Variants in SANBR observed in about 807,000 individuals in gnomAD.
SANBR encodes SANT and BTB domain regulator of CSR, also known as SANT and BTB domain regulator of class switch recombination.
A neutral mutation model predicts 101.8 loss-of-function variants in SANBR; 77 were observed. The ratio of observed to expected loss-of-function variants is 0.76; its 90% CI spans 0.63 to 0.91. The LOEUF (loss-of-function observed/expected upper bound fraction) is 0.91. SANBR is among the 40% of genes least tolerant of loss of function. The pLI is 0.00. For missense variants in SANBR, 875 were observed against 853.0 expected (o/e 1.03, Z -0.32); for synonymous variants, 279 against 274.7 (o/e 1.02, Z -0.15).
chr2:61,096,892 G>A (rs1360320324), intron 11 of SANBR, among the ~76,000 whole-genome samples: 4 of 152,078 alleles, frequency 2.6e-5, no homozygotes, highest in Non-Finnish European at 4.4e-5. Flanking sequence ...GGTGGCTCAC[G>A]CCTGTAATCC....
intron 20 of SANBR, among the ~76,000 whole-genome samples, chr2:61,130,448 C>T (rs1169122503): frequency 1.3e-5 from 2 of 152,052 alleles, no homozygotes; most frequent in Non-Finnish European, 2.9e-5. Flanking sequence ...CATCACTAGA[C>T]AAAGGTATCA....
rs144423500 is a variant in SANBR, at chr2:61,100,228, C to G, written c.1365+2376C>G. 2.8e-3 allele frequency among the ~76,000 whole-genome samples: 422 copies of G among 152,238 alleles called. 2 individuals carry two copies. The highest frequency in any genetic ancestry group is 8.5e-3 in the African/African-American group (355 of 41,538). ...CAAGCGATTCTCCTGCGTCAGCCTC[C>G]CAAGTAGCTGGGATTACAGGCATGT... On this transcript the variant is annotated intron_variant, in intron 12 of 21. Transcript: ENST00000402291.
At chr2:61,088,515 ATATAGTT>A in intron 10 of SANBR, 47 bp downstream of exon 10, 1 of 1,155,238 alleles carries the variant, frequency 8.7e-7, no homozygotes, top group Non-Finnish European at 1.2e-6. Context: ...ATATATATAT[ATATAGTT>A]GTTGTTGTTG....
chr2:61,127,571 T>C (rs190154796), downstream of SANBR, among the ~76,000 whole-genome samples: 16 of 152,332 alleles, frequency 1.1e-4, no homozygotes, highest in Middle Eastern at 3.4e-3. Context: ...GGGAAGATGC[T>C]ATGGAATTAT....
intron 20 of SANBR, among the ~76,000 whole-genome samples, chr2:61,133,781 G>A (rs748972947): frequency 3.3e-5 from 5 of 152,258 alleles, no homozygotes; most frequent in Non-Finnish European, 7.4e-5. Flanking sequence ...GAAGGAGAGA[G>A]AAGAATGATA....
intron 7 of SANBR, among the ~76,000 whole-genome samples, chr2:61,082,609 A>G (rs1251574983): frequency 6.6e-6 from 1 of 152,216 alleles, no homozygotes; most frequent in Non-Finnish European, 1.5e-5. Flanking sequence ...TCACGAGGTC[A>G]GGAGTTCAAG....
In SANBR at chr2:61,122,466, G is replaced by T; in HGVS notation, c.*304G>T. ...TTCCTTTATTTATTTGAAAAAGAAAGGCCTAAACTGTCAGGTAGCCAAGTT... is the reference window on the plus strand; with the variant it reads ...TTCCTTTATTTATTTGAAAAAGAAATGCCTAAACTGTCAGGTAGCCAAGTT... On this transcript the variant is annotated 3_prime_UTR_variant, in exon 22 of 22. Coordinates refer to ENST00000402291, the MANE Select transcript of SANBR (RefSeq NM_001129993.3). The T allele has an allele frequency of 2.8e-6, 3 of 1,081,238 alleles. No homozygotes were observed. Among genetic ancestry groups the T allele is most frequent in the Non-Finnish European group, 3.4e-6 (3 of 892,930 alleles). 67.0% of individuals were successfully genotyped at this position (1,081,238 alleles called of 1,614,324 possible).
chr2:61,119,085 A>C (rs757337452), intron 20 of SANBR, among the ~76,000 whole-genome samples: 1 of 151,948 alleles, frequency 6.6e-6, no homozygotes, highest in Non-Finnish European at 1.5e-5. Flanking sequence ...ATTTTCATCA[A>C]CTCTGCATGT....
In SANBR at chr2:61,121,997, A is replaced by C. The variant is rs562228635; in HGVS notation, c.2121-129A>C. 8.9e-5 allele frequency: 111 copies of C among 1,251,240 alleles called. No homozygotes were observed. In the South Asian group the frequency reaches 1.8e-3, roughly 20 times the overall value. The allele number at this position is 1,251,240 out of a possible 1,614,324, so 77.5% of individuals were successfully genotyped here. A position where few individuals can be genotyped will look rare whatever the true frequency, so the allele number is the denominator to read the frequency against. ...ACATCTCCTGTTAAGAGTTTTAGAA[A>C]ATGGATTACGGAGCTGCAAGAAGAT... On this transcript the variant is annotated intron_variant, in intron 21 of 21. Coordinates refer to ENST00000402291, the MANE Select transcript of SANBR (RefSeq NM_001129993.3).
chr2:61,092,505 T>G lies in SANBR; in HGVS notation c.1130T>G (p.Phe377Cys), dbSNP rs761126934. The G allele has an allele frequency of 1.2e-6, 2 of 1,604,912 alleles. No homozygotes were observed. Among genetic ancestry groups the G allele is most frequent in the Non-Finnish European group, 1.7e-6 (2 of 1,175,658 alleles). ...WDVHEYLNSL[F>C]EELKSWRDVY... ...GTTCATGAGTATTTGAATAGTCTTT[T>G]CGAAGAATTAAAATCTTGGAGAGAT... is the stretch of plus-strand genomic sequence containing the variant. Residue 377 changes from phenylalanine (F) to cysteine (C), a missense_variant, in exon 11 of 22, where the codon TTC (phenylalanine) becomes TGC (cysteine). Physicochemically the swap from Phe to Cys is radical, Grantham distance 205 (BLOSUM62 -2). Coordinates refer to ENST00000402291, the MANE Select transcript of SANBR (RefSeq NM_001129993.3).
At chr2:61,074,108 T>C (rs994941780) in intron 5 of SANBR, among the ~76,000 whole-genome samples, 1 of 152,230 alleles carries the variant, frequency 6.6e-6, no homozygotes, top group African/African-American at 2.4e-5. Flanking sequence ...AATATTTTTA[T>C]TATTTCTGAA....
In SANBR at chr2:61,088,155, A is replaced by G. The variant is rs1682542912; in HGVS notation, c.891-4A>G. On this transcript the variant is annotated splice_region_variant and splice_polypyrimidine_tract_variant and intron_variant, in intron 8 of 21. Transcript: ENST00000402291. ...TTAATATTTTGGTCATTTGTTGTTA[A>G]TAGCAAACTTTTTTGTAAGAAGATT... is the stretch of plus-strand genomic sequence containing the variant. 1 of 1,583,092 alleles carries G rather than the reference A, an allele frequency of 6.3e-7. No homozygotes were observed. The highest frequency in any genetic ancestry group is 8.6e-7 in the Non-Finnish European group (1 of 1,163,076).
At chr2:61,092,681 T>C (rs1682827455) in intron 11 of SANBR, 94 bp downstream of exon 11, 1 of 1,049,880 alleles carries the variant, frequency 9.5e-7, no homozygotes, top group Non-Finnish European at 1.3e-6. Context: ...TAAATGTGTT[T>C]TGACAATATC....
intron 3 of SANBR, 42 bp from the exon 4 acceptor site, chr2:61,071,564 A>AT: frequency 7.1e-7 from 1 of 1,404,624 alleles, no homozygotes. Flanking sequence ...AAAAAAAAAA[A>AT]AATTCCCAAA....
At chr2:61,104,760 G>A (rs956054893) in intron 13 of SANBR, among the ~76,000 whole-genome samples, 6 of 151,980 alleles carry the variant, frequency 3.9e-5, no homozygotes, top group African/African-American at 1.5e-4. Context: ...TTAGAGGCTG[G>A]AGGACTCTTT....
intron 2 of SANBR, chr2:61,069,544 T>A (rs567395535): frequency 6.6e-6 from 1 of 152,444 alleles, no homozygotes; most frequent in African/African-American, 2.4e-5. Flanking sequence ...CAGTTTATGT[T>A]TGGAGATTGT....
chr2:61,112,773 A>G (rs1490425720), intron 16 of SANBR, among the ~76,000 whole-genome samples: 1 of 152,220 alleles, frequency 6.6e-6, no homozygotes, highest in Non-Finnish European at 1.5e-5. Context: ...GATTACAGGC[A>G]TGAGCCACCT....
chr2:61,089,953 G>C (rs1235066316), intron 10 of SANBR, among the ~76,000 whole-genome samples: 1 of 152,086 alleles, frequency 6.6e-6, no homozygotes, highest in East Asian at 1.9e-4. Flanking sequence ...GATTACTTGA[G>C]ACCAGGAGTT....
chr2:61,120,702 C>G (rs1220885788), intron 20 of SANBR, among the ~76,000 whole-genome samples: 2 of 152,100 alleles, frequency 1.3e-5, no homozygotes, highest in African/African-American at 4.8e-5. Flanking sequence ...TCCAGCCTGG[C>G]TGACAGAGTG....
Sources: allele counts gnomAD v4.1 joint callset (sites outside exome capture counted in the v4.1 genomes callset), GRCh38; gene constraint gnomAD v4.1.1; transcripts MANE v1.5; gene names NCBI Gene and HGNC (gene_info 2026-07-23, HGNC 2026-07-21).